The following KCNIP4 variants were observed in gnomAD, a reference collection of about 807,000 sequenced individuals.
KCNIP4 encodes the protein potassium voltage-gated channel interacting protein 4.
In KCNIP4, 12 loss-of-function variants were observed where a neutral mutation model predicts 34.0. That is an observed-to-expected ratio of 0.35 (90% CI 0.23 to 0.57). KCNIP4 has a LOEUF of 0.57. Among genes scored for constraint, KCNIP4 ranks in the 20% least tolerant of loss-of-function variants. The pLI is 0.83. For missense variants in KCNIP4, 238 were observed against 311.7 expected (o/e 0.76, Z 1.78); for synonymous variants, 124 against 102.2 (o/e 1.21, Z -1.29).
intron 1 of KCNIP4, among the ~76,000 whole-genome samples, chr4:21,451,282 G>T (rs1728488610): frequency 6.6e-6 from 1 of 152,100 alleles, no homozygotes; most frequent in Admixed American, 6.6e-5. Context: ...GCAGCATAAG[G>T]TGAAATGTCA....
At chr4:21,907,968 G>A (rs1180990888) in intron 1 of KCNIP4, among the ~76,000 whole-genome samples, 2 of 152,104 alleles carry the variant, frequency 1.3e-5, no homozygotes, top group East Asian at 3.9e-4. Context: ...GATTCACTGT[G>A]TGGGACTTTA....
chr4:21,503,895 T>G, intron 1 of KCNIP4, among the ~76,000 whole-genome samples: 1 of 152,186 alleles, frequency 6.6e-6, no homozygotes, highest in African/African-American at 2.4e-5. Flanking sequence ...GCTTTCAGCT[T>G]TTGATTTCTG....
intron 1 of KCNIP4, among the ~76,000 whole-genome samples, chr4:21,280,748 G>A (rs1030302138): frequency 2.6e-5 from 4 of 152,134 alleles, no homozygotes; most frequent in Admixed American, 2.6e-4. Context: ...GAAATAAAAA[G>A]CAATTAGAAC....
intron 1 of KCNIP4, among the ~76,000 whole-genome samples, chr4:21,757,032 G>C (rs1350238432): frequency 6.6e-6 from 1 of 150,784 alleles, no homozygotes; most frequent in Non-Finnish European, 1.5e-5. Flanking sequence ...GGGAGGTGGA[G>C]GTTGCAGTGA....
intron 1 of KCNIP4, among the ~76,000 whole-genome samples, chr4:21,857,558 C>T (rs553779468): frequency 6.6e-6 from 1 of 152,180 alleles, no homozygotes; most frequent in South Asian, 2.1e-4. Flanking sequence ...TGGAGAGGAG[C>T]TAACCACTCC....
chr4:21,054,354 A>C (rs564972260), intron 1 of KCNIP4, among the ~76,000 whole-genome samples: 1 of 152,014 alleles, frequency 6.6e-6, no homozygotes, highest in Non-Finnish European at 1.5e-5. Context: ...CCCCGTCTCT[A>C]CCGAAAATAC....
intron 1 of KCNIP4, among the ~76,000 whole-genome samples, chr4:21,053,038 CAT>C (rs34684853): frequency 0.023 from 3,366 of 143,508 alleles, 62 homozygotes; most frequent in Non-Finnish European, 0.028. Context: ...CACACACACA[CAT>C]ATATATATAT....
At chr4:20,857,236 A>T (rs1310636634) in intron 2 of KCNIP4, among the ~76,000 whole-genome samples, 2 of 152,096 alleles carry the variant, frequency 1.3e-5, no homozygotes, top group Admixed American at 6.6e-5. Context: ...AAAAAGCAAC[A>T]CCACCGAACC....
intron 1 of KCNIP4, among the ~76,000 whole-genome samples, chr4:21,109,812 T>C (rs890692576): frequency 1.5e-4 from 20 of 136,688 alleles, no homozygotes; most frequent in African/African-American, 6.1e-4. Context: ...GTATTTCCTC[T>C]AATTTTCCCT....
intron 1 of KCNIP4, among the ~76,000 whole-genome samples, chr4:21,068,387 A>G (rs545742658): frequency 2.0e-5 from 3 of 152,150 alleles, no homozygotes; most frequent in South Asian, 2.1e-4. Context: ...CGTTCTATAC[A>G]CTTCCCATAA....
At chr4:21,941,833 T>A (rs1485482991) in intron 1 of KCNIP4, among the ~76,000 whole-genome samples, 1 of 152,248 alleles carries the variant, frequency 6.6e-6, no homozygotes, top group Non-Finnish European at 1.5e-5. Context: ...AAATGCTCAA[T>A]ATGGAAAATT....
intron 1 of KCNIP4, among the ~76,000 whole-genome samples, chr4:21,862,191 T>A (rs868139494): frequency 4.6e-5 from 7 of 152,280 alleles, no homozygotes; most frequent in Middle Eastern, 3.4e-3. Context: ...TCACTGTTAC[T>A]TTAGGCTGCT....
chr4:21,619,826 A>C (rs1744883601), intron 1 of KCNIP4, among the ~76,000 whole-genome samples: 1 of 152,236 alleles, frequency 6.6e-6, no homozygotes, highest in East Asian at 1.9e-4. Context: ...GCAGAAGGCA[A>C]AAACTCAGAT....
intron 1 of KCNIP4, among the ~76,000 whole-genome samples, chr4:21,356,711 G>T (rs1297721582): frequency 1.3e-5 from 2 of 152,068 alleles, no homozygotes; most frequent in Non-Finnish European, 2.9e-5. Flanking sequence ...TGGATAGGAA[G>T]AATCAATATC....
intron 1 of KCNIP4, among the ~76,000 whole-genome samples, chr4:21,731,430 A>G (rs1331512905): frequency 6.6e-6 from 1 of 152,184 alleles, no homozygotes; most frequent in Admixed American, 6.5e-5. Context: ...GAAAAGATCT[A>G]AAAGTAAAAT....
At chr4:20,850,448 C>A in intron 3 of KCNIP4, 95 bp downstream of exon 3, 3 of 1,262,958 alleles carry the variant, frequency 2.4e-6, no homozygotes, top group Non-Finnish European at 3.4e-6. Flanking sequence ...TATGATGGGG[C>A]TCTCATAGAA....
chr4:21,756,327 G>A (rs903238546), intron 1 of KCNIP4, among the ~76,000 whole-genome samples: 1 of 151,658 alleles, frequency 6.6e-6, no homozygotes. Context: ...AGGCTGAGGC[G>A]GGCAGGTCAC....
chr4:20,823,460 C>A (rs1384122803), intron 3 of KCNIP4, among the ~76,000 whole-genome samples: 1 of 152,038 alleles, frequency 6.6e-6, no homozygotes, highest in Non-Finnish European at 1.5e-5. Flanking sequence ...GAAATTCTAA[C>A]CCCCAATGTG....
chr4:21,566,144 A>G (rs1739861873), intron 1 of KCNIP4, among the ~76,000 whole-genome samples: 1 of 152,204 alleles, frequency 6.6e-6, no homozygotes, highest in Admixed American at 6.5e-5. Flanking sequence ...CTGATTCCAC[A>G]ATCAAGAGAC....
Sources: allele counts gnomAD v4.1 joint callset (sites outside exome capture counted in the v4.1 genomes callset), GRCh38; gene constraint gnomAD v4.1.1; transcripts MANE v1.5; gene names NCBI Gene and HGNC (gene_info 2026-07-23, HGNC 2026-07-21).